SHTN1: variants seen among roughly 807,000 people sequenced by gnomAD.
The protein encoded by SHTN1 is shootin 1, also known as shootin-1.
A neutral mutation model predicts 83.1 loss-of-function variants in SHTN1; 42 were observed. The observed-to-expected ratio is 0.51, with a 90% CI of 0.39 to 0.65. SHTN1 has a LOEUF of 0.65. Among genes scored for constraint, SHTN1 ranks in the 30% least tolerant of loss-of-function variants. The probability of loss-of-function intolerance (pLI) is 0.00; values close to 1 mark genes in which losing one functional copy is unlikely to be tolerated. For missense variants in SHTN1, 622 were observed against 737.8 expected, an observed-to-expected ratio of 0.84 and a Z score of 1.82; for synonymous variants, 224 against 247.7, an observed-to-expected ratio of 0.90 and a Z score of 0.90.
chr10:116,901,085 C>T (rs763927212), intron 16 of SHTN1: 238 of 985,276 alleles, frequency 2.4e-4, no homozygotes, highest in Non-Finnish European at 2.8e-4. Flanking sequence ...TGTCTCACCT[C>T]TTCCTTTTCT....
upstream of SHTN1, chr10:117,005,300 C>A (rs954443835): frequency 1.4e-6 from 2 of 1,411,774 alleles, no homozygotes; most frequent in Non-Finnish European, 1.9e-6. Flanking sequence ...CGGGGCGGGG[C>A]GGGCCCAGCA....
At chr10:116,942,195 T>C (rs887427825) in intron 8 of SHTN1, among the ~76,000 whole-genome samples, 4 of 149,206 alleles carry the variant, frequency 2.7e-5, no homozygotes, top group Non-Finnish European at 5.9e-5. Flanking sequence ...TTGTTTTGGG[T>C]GACCATTATG....
At chr10:116,914,772 T>G (rs193147514) in intron 13 of SHTN1, among the ~76,000 whole-genome samples, 27 of 152,334 alleles carry the variant, frequency 1.8e-4, no homozygotes, top group Non-Finnish European at 3.4e-4. Context: ...TGAAAGGGAC[T>G]CTAAGCAACT....
rs1354406975 is a variant in SHTN1 at position 116,881,570 on chromosome 10, G to A, written c.*4774C>T. 15 of 1,550,124 alleles carry A rather than the reference G, an allele frequency of 9.7e-6. No individual in the cohort carries two copies. The highest frequency in any genetic ancestry group is 1.2e-5 in the South Asian group (1 of 83,986). The stretch of plus-strand genomic sequence containing the variant: ...TTAATGAGGAAGCTGAAAAGGCTGC[G>A]GAGGCACTTGAGGCTGCTGCGGCTA... On this transcript the variant is annotated 3_prime_UTR_variant, in exon 17 of 17. Transcript: ENST00000355371.
At chr10:117,120,528 G>A (rs547108773) in intron 1 of SHTN1, among the ~76,000 whole-genome samples, 9 of 152,206 alleles carry the variant, frequency 5.9e-5, no homozygotes, top group South Asian at 2.1e-4. Context: ...GATTACAGGC[G>A]TAAGCCACAG....
chr10:117,040,085 A>C (rs974425334), intron 2 of SHTN1, among the ~76,000 whole-genome samples: 1 of 152,206 alleles, frequency 6.6e-6, no homozygotes, highest in African/African-American at 2.4e-5. Flanking sequence ...TGTGGAAGAC[A>C]GTATTGTTAA....
intron 16 of SHTN1, among the ~76,000 whole-genome samples, chr10:116,898,985 G>C (rs1221549290): frequency 6.6e-6 from 1 of 152,042 alleles, no homozygotes; most frequent in Non-Finnish European, 1.5e-5. Flanking sequence ...AAACTTTCTA[G>C]GTATAGTGTG....
At chr10:116,919,623 C>A (rs1848486254) in intron 12 of SHTN1, among the ~76,000 whole-genome samples, 2 of 152,018 alleles carry the variant, frequency 1.3e-5, no homozygotes, top group African/African-American at 4.8e-5. Context: ...AATTTCCCCC[C>A]AACCCTCTAA....
At chr10:116,976,375 C>G (rs1850808080) in intron 2 of SHTN1, among the ~76,000 whole-genome samples, 2 of 152,224 alleles carry the variant, frequency 1.3e-5, no homozygotes, top group Non-Finnish European at 2.9e-5. Flanking sequence ...TGATAAGGTT[C>G]ATGACCTGGG....
At chr10:116,932,942 C>T (rs1849023420) in intron 9 of SHTN1, among the ~76,000 whole-genome samples, 1 of 152,130 alleles carries the variant, frequency 6.6e-6, no homozygotes, top group African/African-American at 2.4e-5. Flanking sequence ...AGTAGCTGGA[C>T]TTTTCAGAAC....
intron 6 of SHTN1, among the ~76,000 whole-genome samples, 198 bp from the exon 7 acceptor site, chr10:116,949,195 T>C (rs1384983263): frequency 1.3e-5 from 2 of 152,206 alleles, no homozygotes; most frequent in South Asian, 2.1e-4. Context: ...TTAGGATGTA[T>C]ACCTGGTACA....
At chr10:117,006,258 TG>T (rs1232251753), upstream of SHTN1, among the ~76,000 whole-genome samples, 8 of 151,864 alleles carry the variant, frequency 5.3e-5, no homozygotes, top group Non-Finnish European at 8.8e-5. Context: ...TTTGTTTTTT[TG>T]TTTTTAATAA....
chr10:117,065,810 A>T (rs1191296123), intron 1 of SHTN1, among the ~76,000 whole-genome samples: 1 of 72,634 alleles, frequency 1.4e-5, no homozygotes, highest in Non-Finnish European at 2.7e-5. Context: ...GGAAGGAAGG[A>T]AGGAAGGAAG....
At chr10:117,085,363 A>G (rs187191599) in intron 1 of SHTN1, among the ~76,000 whole-genome samples, 1 of 152,132 alleles carries the variant, frequency 6.6e-6, no homozygotes, top group Admixed American at 6.6e-5. Flanking sequence ...AGTTGAAAAT[A>G]TTTTTAAATT....
chr10:116,982,785 C>T (rs1422896096), intron 1 of SHTN1, among the ~76,000 whole-genome samples: 3 of 152,028 alleles, frequency 2.0e-5, no homozygotes, highest in Non-Finnish European at 4.4e-5. Context: ...ATGGTGAAAC[C>T]GCATCTCTTC....
chr10:117,086,990 A>T (rs1361774087), intron 1 of SHTN1, among the ~76,000 whole-genome samples: 1 of 152,238 alleles, frequency 6.6e-6, no homozygotes, highest in African/African-American at 2.4e-5. Context: ...TAAGTGAAAT[A>T]AGCCAGACAC....
chr10:116,932,783 A>G (rs1338263762), intron 9 of SHTN1, among the ~76,000 whole-genome samples: 1 of 152,200 alleles, frequency 6.6e-6, no homozygotes, highest in Non-Finnish European at 1.5e-5. Flanking sequence ...AAAGAGTATA[A>G]CAGTTTTAGA....
chr10:117,104,893 G>A (rs1853651183), intron 1 of SHTN1, among the ~76,000 whole-genome samples: 1 of 151,356 alleles, frequency 6.6e-6, no homozygotes, highest in Admixed American at 6.6e-5. Context: ...CTCTCTGTGG[G>A]AATTACTGGA....
intron 16 of SHTN1, among the ~76,000 whole-genome samples, chr10:116,892,945 T>C (rs774505074): frequency 4.3e-4 from 65 of 152,246 alleles, no homozygotes; most frequent in Middle Eastern, 3.2e-3. Flanking sequence ...AGAAATGGTA[T>C]ATTTTATACA....
Sources: gnomAD v4.1 joint callset for allele counts (sites outside exome capture counted in the v4.1 genomes callset) on GRCh38, gnomAD v4.1.1 for gene constraint, MANE v1.5 for transcripts, NCBI Gene and HGNC (gene_info 2026-07-23, HGNC 2026-07-21) for gene names.